ATP5F1A: variants seen among roughly 807,000 people sequenced by gnomAD.
ATP5F1A encodes the protein ATP synthase F(1) complex subunit alpha, mitochondrial.
In ATP5F1A, 24 loss-of-function variants were observed where a neutral mutation model predicts 57.4. The ratio of observed to expected loss-of-function variants is 0.42; its 90% confidence interval spans 0.30 to 0.59. The LOEUF is 0.59. Among genes scored for constraint, ATP5F1A ranks in the 20% least tolerant of loss-of-function variants. ATP5F1A has a pLI of 0.19. For missense variants in ATP5F1A, 494 were observed against 707.9 expected (o/e 0.70, Z 3.43); for synonymous variants, 251 against 255.5 (o/e 0.98, Z 0.17).
At chr18:46,100,808 C>G (rs1452936277), upstream of ATP5F1A, among the ~76,000 whole-genome samples, 1 of 152,196 alleles carries the variant, frequency 6.6e-6, no homozygotes, top group Non-Finnish European at 1.5e-5. Context: ...CACGGTGGCT[C>G]ACGCCTGTAA....
In ATP5F1A at chr18:46,091,722, A is replaced by G. The variant is rs1418629503; in HGVS notation, c.269T>C (p.Val90Ala). 1 of 1,611,736 alleles carries G rather than the reference A, an allele frequency of 6.2e-7. No individual in the cohort carries two copies. Among genetic ancestry groups the G allele is most frequent in the Non-Finnish European group, 8.5e-7 (1 of 1,179,424 alleles). The stretch of plus-strand genomic sequence containing the variant: ...AAACTCTACCATTTCTTCTGCTTGA[A>G]CATTCCTCAGCCCATGTACGCGGGC... The part of the protein sequence containing the change: ...GIARVHGLRN[V>A]QAEEMVEFSS... The change falls in exon 3 of 12, where the codon GTT (valine) becomes GCT (alanine). Residue 90 changes from valine to alanine, a missense_variant. Coordinates refer to ENST00000398752, the MANE Select transcript of ATP5F1A (RefSeq NM_004046.6).
intron 8 of ATP5F1A, 122 bp from the exon 9 acceptor site, chr18:46,086,616 C>A: frequency 2.2e-6 from 2 of 890,918 alleles, no homozygotes; most frequent in South Asian, 3.4e-5. Context: ...CATCAGTACC[C>A]CAAATCTTTC....
chr18:46,090,944 GT>G (rs1482533831), intron 3 of ATP5F1A, among the ~76,000 whole-genome samples: 2 of 152,176 alleles, frequency 1.3e-5, no homozygotes. Context: ...GAATTAATCT[GT>G]TTCGACCTCA....
intron 10 of ATP5F1A, 27 bp downstream of exon 10, chr18:46,086,086 G>A: frequency 6.2e-7 from 1 of 1,608,230 alleles, no homozygotes; most frequent in Non-Finnish European, 8.5e-7. Context: ...ATAGGAACCT[G>A]ACCAAATGAA....
rs1226473459 is a variant in ATP5F1A at position 46,082,081 on chromosome 18, A to T, written c.*2201T>A. On this transcript the variant is annotated 3_prime_UTR_variant, in exon 12 of 12. Coordinates refer to ENST00000398752, the MANE Select transcript of ATP5F1A (RefSeq NM_004046.6). The stretch of plus-strand genomic sequence containing the variant: ...AGACAAAAGCCTTTATATATCAGTA[A>T]AAAAAAAAAAAAAAAAAAGAGGCCG... The T allele has an allele frequency of 1.0e-4, 3 of 28,752 alleles. No homozygotes were observed. Among genetic ancestry groups the T allele is most frequent in the African/African-American group, 1.6e-4 (1 of 6,264 alleles). The allele number at this position is 28,752 out of a possible 1,614,324, so 1.8% of individuals were successfully genotyped here.
intron 2 of ATP5F1A, among the ~76,000 whole-genome samples, chr18:46,094,365 T>C (rs1169825960): frequency 6.6e-6 from 1 of 152,014 alleles, no homozygotes; most frequent in Non-Finnish European, 1.5e-5. Flanking sequence ...CTACTGCCTT[T>C]GAAAAAATAA....
chr18:46,089,683 C>T lies in ATP5F1A; in HGVS notation c.533G>A (p.Gly178Asp). 1 of 1,614,242 alleles carries T rather than the reference C, an allele frequency of 6.2e-7. No homozygotes were observed. Among genetic ancestry groups the T allele is most frequent in the Non-Finnish European group, 8.5e-7 (1 of 1,180,048 alleles). ...CCGCACTGAAATTCGAGGAATGATACCGGGGGCTTTCAGACCAACTCGCCT... is the reference window on the plus strand; with the variant it reads ...CCGCACTGAAATTCGAGGAATGATATCGGGGGCTTTCAGACCAACTCGCCT... ...TRRRVGLKAP[G>D]IIPRISVREP... The change falls in exon 5 of 12, where the codon GGT becomes GAT. Residue 178 changes from glycine to aspartate, a missense_variant. Gly to Asp is a moderately conservative substitution (Grantham distance 94). This residue lies in a region of ATP5F1A where 191 missense variants were observed against 267.7 expected (regional missense o/e 0.71). Coordinates refer to ENST00000398752, the MANE Select transcript of ATP5F1A (RefSeq NM_004046.6).
At chr18:46,088,864 T>C (rs1289755036) in intron 5 of ATP5F1A, among the ~76,000 whole-genome samples, 4 of 151,872 alleles carry the variant, frequency 2.6e-5, no homozygotes, top group Non-Finnish European at 4.4e-5. Flanking sequence ...TACATTCTAT[T>C]TACTGAGATA....
Position 46,084,106 on chromosome 18 carries a change from G to A in ATP5F1A, c.*176C>T. On this transcript the variant is annotated 3_prime_UTR_variant, in exon 12 of 12. Transcript: ENST00000398752. ...CATTTGCTTACCAATTTCTCAATTT[G>A]ATCTTGGTTTTAAAGAATAACACAA... is the stretch of plus-strand genomic sequence containing the variant. The A allele has an allele frequency of 2.0e-6, 1 of 502,510 alleles. No homozygotes were observed. Among genetic ancestry groups the A allele is most frequent in the South Asian group, 3.7e-5 (1 of 27,176 alleles). The allele number at this position is 502,510 out of a possible 1,614,324, so 31.1% of individuals were successfully genotyped here. A position where few individuals can be genotyped will look rare whatever the true frequency, so the allele number is the denominator to read the frequency against.
chr18:46,101,947 G>C (rs4890624), upstream of ATP5F1A, among the ~76,000 whole-genome samples: 25,892 of 151,318 alleles, frequency 0.17, 3,296 homozygotes, highest in East Asian at 0.38. Flanking sequence ...GGCTGAGGTG[G>C]GCGGATCACG....
In ATP5F1A at chr18:46,081,007, A is replaced by C. The variant is rs1293205361; in HGVS notation, c.*3275T>G. The C allele has an allele frequency of 6.6e-6, 1 of 150,796 alleles. No homozygotes were observed. The highest frequency in any genetic ancestry group is 1.5e-5 in the Non-Finnish European group (1 of 67,816). The allele number at this position is 150,796 out of a possible 1,614,324, so 9.3% of individuals were successfully genotyped here. On this transcript the variant is annotated 3_prime_UTR_variant, in exon 12 of 12. Coordinates refer to ENST00000398752, the MANE Select transcript of ATP5F1A (RefSeq NM_004046.6). ...TAGCCAGGCATGGTGGTGCACACCT[A>C]TAATCACAGCTACTCAGGAGGCTGA...
At chr18:46,091,541 A>T (rs1261155192) in intron 3 of ATP5F1A, 141 bp downstream of exon 3, 7 of 906,740 alleles carry the variant, frequency 7.7e-6, no homozygotes, top group Non-Finnish European at 1.1e-5. Flanking sequence ...TTCTCTTTAC[A>T]ATCTATGATA....
chr18:46,091,434 T>C lies in ATP5F1A; in HGVS notation c.309+248A>G, dbSNP rs1800640. ...AAACTTCTTGGATTTGGGGTGAAAG[T>C]TTATTCAATTTTATATTTTGGAGCC... On this transcript the variant is annotated intron_variant, in intron 3 of 11. Coordinates refer to ENST00000398752, the MANE Select transcript of ATP5F1A (RefSeq NM_004046.6). 0.39 allele frequency among the ~76,000 whole-genome samples: 58,654 copies of C among 152,032 alleles called. 11,686 individuals carry two copies. The highest frequency in any genetic ancestry group is 0.53 in the Middle Eastern group (155 of 294).
At position 46,098,284 on chromosome 18, in the gene ATP5F1A, C is replaced by G; in HGVS notation, c.-53G>C. 6.4e-7 allele frequency: 1 copy of G among 1,558,158 alleles called. No individual in the cohort carries two copies. The highest frequency in any genetic ancestry group is 1.1e-5 in the South Asian group (1 of 87,346). On this transcript the variant is annotated 5_prime_UTR_variant, in exon 1 of 12. Transcript: ENST00000398752. ...TCTGCAGCCGCAGCCTCCGGACTGACTGGGACAAAATGGCCGAGCCGCAAA... is the reference window on the plus strand; with the variant it reads ...TCTGCAGCCGCAGCCTCCGGACTGAGTGGGACAAAATGGCCGAGCCGCAAA...
intron 1 of ATP5F1A, among the ~76,000 whole-genome samples, chr18:46,103,300 C>T (rs1911338640): frequency 6.7e-6 from 1 of 148,858 alleles, no homozygotes; most frequent in Non-Finnish European, 1.5e-5. Flanking sequence ...GACAGAGAAA[C>T]ACTCCATCTC....
At chr18:46,097,590 T>C (rs1911055043) in intron 1 of ATP5F1A, among the ~76,000 whole-genome samples, 1 of 152,176 alleles carries the variant, frequency 6.6e-6, no homozygotes, top group Admixed American at 6.5e-5. Context: ...AATGGTTCTT[T>C]GCACCTGCAG....
At chr18:46,091,484 C>T (rs2144196745) in intron 3 of ATP5F1A, among the ~76,000 whole-genome samples, 198 bp downstream of exon 3, 1 of 152,266 alleles carries the variant, frequency 6.6e-6, no homozygotes, top group East Asian at 1.9e-4. Flanking sequence ...ATGTATAAAT[C>T]AGTCCCTAGA....
chr18:46,098,782 C>T (rs1911169911), upstream of ATP5F1A, among the ~76,000 whole-genome samples: 1 of 152,210 alleles, frequency 6.6e-6, no homozygotes, highest in African/African-American at 2.4e-5. Context: ...AGCCCCACTT[C>T]AGACCCTCTG....
intron 1 of ATP5F1A, 140 bp downstream of exon 1, chr18:46,098,032 T>C (rs1178171591): frequency 1.4e-6 from 2 of 1,432,418 alleles, no homozygotes; most frequent in Non-Finnish European, 9.1e-7. Context: ...GCCTGCTCTG[T>C]CCAGCCGGAG....
Sources: allele counts gnomAD v4.1 joint callset (sites outside exome capture counted in the v4.1 genomes callset), GRCh38; gene constraint gnomAD v4.1.1; regional missense constraint gnomAD v4.1.1; transcripts MANE v1.5; gene names NCBI Gene and HGNC (gene_info 2026-07-23, HGNC 2026-07-21).